Variants in NLGN1 observed in about 807,000 individuals in gnomAD.
The protein encoded by NLGN1 is neuroligin 1.
NLGN1 carries 12 observed loss-of-function variants against 65.5 expected under a neutral mutation model. The observed-to-expected ratio is 0.18, with a 90% CI of 0.12 to 0.30. The LOEUF (loss-of-function observed/expected upper bound fraction) is 0.30. Among genes scored for constraint, NLGN1 ranks in the 10% least tolerant of loss-of-function variants. NLGN1 has a pLI of 1.00. For missense variants in NLGN1, 750 were observed against 1,007.1 expected, an observed-to-expected ratio of 0.74 and a Z score of 3.46; for synonymous variants, 350 against 359.5, an observed-to-expected ratio of 0.97 and a Z score of 0.30.
chr3:173,892,315 C>T (rs1735500172), intron 4 of NLGN1, among the ~76,000 whole-genome samples: 1 of 151,682 alleles, frequency 6.6e-6, no homozygotes, highest in South Asian at 2.1e-4. Flanking sequence ...TCTCTGTTCT[C>T]TGTTTTTATT....
chr3:174,235,030 C>A (rs1305987444), intron 4 of NLGN1, among the ~76,000 whole-genome samples: 1 of 88,374 alleles, frequency 1.1e-5, no homozygotes, highest in African/African-American at 5.0e-5. Context: ...ATAAGAGTAC[C>A]ACCATTCTAG....
At chr3:173,478,011 T>C (rs936235892) in intron 2 of NLGN1, among the ~76,000 whole-genome samples, 1 of 152,132 alleles carries the variant, frequency 6.6e-6, no homozygotes, top group African/African-American at 2.4e-5. Flanking sequence ...CTCAAAGATA[T>C]AGAACCAGAA....
intron 4 of NLGN1, among the ~76,000 whole-genome samples, chr3:174,066,682 C>T (rs965891065): frequency 4.0e-5 from 6 of 151,596 alleles, no homozygotes; most frequent in African/African-American, 1.5e-4. Flanking sequence ...ATTACATGAT[C>T]TAAAGGTAAA....
intron 2 of NLGN1, among the ~76,000 whole-genome samples, chr3:173,597,087 A>G (rs919534851): frequency 2.0e-5 from 3 of 151,956 alleles, no homozygotes. Flanking sequence ...CAGCCTTTTT[A>G]TTTTCCTTCT....
chr3:173,621,821 T>C (rs888651551), intron 3 of NLGN1, among the ~76,000 whole-genome samples: 2 of 152,076 alleles, frequency 1.3e-5, no homozygotes, highest in Non-Finnish European at 2.9e-5. Flanking sequence ...ATAAATCCTA[T>C]TTCCAAATCT....
At chr3:174,022,264 C>T (rs1331044495) in intron 4 of NLGN1, among the ~76,000 whole-genome samples, 1 of 152,112 alleles carries the variant, frequency 6.6e-6, no homozygotes, top group South Asian at 2.1e-4. Flanking sequence ...GTTTGCCTTA[C>T]AGAGTTTGCT....
At chr3:174,126,857 G>A (rs1175007269) in intron 4 of NLGN1, among the ~76,000 whole-genome samples, 4 of 152,092 alleles carry the variant, frequency 2.6e-5, no homozygotes, top group African/African-American at 9.7e-5. Context: ...TGTTGTTAAT[G>A]AAGAGGAGAT....
chr3:173,880,967 C>T (rs542635916), intron 4 of NLGN1, among the ~76,000 whole-genome samples: 2 of 152,222 alleles, frequency 1.3e-5, no homozygotes, highest in Non-Finnish European at 2.9e-5. Context: ...AGCATCTATA[C>T]CGGGAGTGGA....
intron 2 of NLGN1, among the ~76,000 whole-genome samples, chr3:173,567,767 C>G (rs972282185): frequency 6.6e-6 from 1 of 151,652 alleles, no homozygotes; most frequent in Non-Finnish European, 1.5e-5. Context: ...TGGGATTATT[C>G]TTTTGGATTG....
At chr3:174,184,109 C>T (rs1414794779) in intron 4 of NLGN1, among the ~76,000 whole-genome samples, 1 of 151,972 alleles carries the variant, frequency 6.6e-6, no homozygotes, top group East Asian at 1.9e-4. Context: ...TTCTTTAGAA[C>T]ATTGCTCAAT....
Position 173,869,426 on chromosome 3 carries a change from G to A in NLGN1, c.646+61594G>A, listed in dbSNP as rs544755345. Among the ~76,000 whole-genome samples the A allele has an allele frequency of 2.6e-4, 40 of 152,202 alleles. No individual in the cohort carries two copies. The South Asian group carries it at 7.9e-3, about 30-fold the overall frequency. On this transcript the variant is annotated intron_variant, in intron 4 of 6. Transcript: ENST00000457714. The stretch of plus-strand genomic sequence containing the variant: ...ATAGTATTTTGGATTGTATATGCAT[G>A]CAAACTAATGGCCAATGGCAAAGGT...
At chr3:173,511,482 G>A (rs540790815) in intron 2 of NLGN1, among the ~76,000 whole-genome samples, 60 of 152,170 alleles carry the variant, frequency 3.9e-4, no homozygotes, top group African/African-American at 1.4e-3. Context: ...TATCCTGTTG[G>A]GTGTTCCCTG....
In NLGN1 at chr3:173,921,720, G is replaced by A. The variant is rs112130376; in HGVS notation, c.646+113888G>A. ...AAATGAGCTGAACCCTCCTAGCAAC[G>A]AGTATGTATTCTCATCAGGATGTTC... On this transcript the variant is annotated intron_variant, in intron 4 of 6. Transcript: ENST00000457714. Among the ~76,000 whole-genome samples, 850 of 152,156 alleles carry A rather than the reference G, an allele frequency of 5.6e-3. 10 individuals are homozygous for A. The highest frequency in any genetic ancestry group is 0.02 in the African/African-American group (813 of 41,518).
chr3:173,685,023 C>T (rs60158728), intron 3 of NLGN1, among the ~76,000 whole-genome samples: 27,494 of 152,006 alleles, frequency 0.18, 2,681 homozygotes, highest in African/African-American at 0.24. Flanking sequence ...GTTGAATCCT[C>T]TATGCCCGGT....
At chr3:173,400,097 A>G (rs1444885240) in intron 1 of NLGN1, among the ~76,000 whole-genome samples, 1 of 152,232 alleles carries the variant, frequency 6.6e-6, no homozygotes, top group Non-Finnish European at 1.5e-5. Flanking sequence ...GCTGTGTAAC[A>G]TATACCTTTG....
intron 4 of NLGN1, among the ~76,000 whole-genome samples, chr3:173,961,732 A>T (rs1713616810): frequency 6.6e-6 from 1 of 152,118 alleles, no homozygotes; most frequent in Admixed American, 6.5e-5. Flanking sequence ...TGAATGTCAG[A>T]TATGAGGATT....
intron 4 of NLGN1, among the ~76,000 whole-genome samples, chr3:174,271,105 T>C (rs1169576529): frequency 6.6e-6 from 1 of 151,816 alleles, no homozygotes; most frequent in East Asian, 1.9e-4. Context: ...TTTTCTACCT[T>C]ATAGCTTGAG....
intron 4 of NLGN1, among the ~76,000 whole-genome samples, chr3:174,067,250 G>C (rs764109403): frequency 1.3e-5 from 2 of 152,110 alleles, no homozygotes; most frequent in African/African-American, 2.4e-5. Flanking sequence ...TACCTCCAAA[G>C]CTCCATTAAA....
chr3:173,631,998 G>C (rs1755756294), intron 3 of NLGN1, among the ~76,000 whole-genome samples: 1 of 151,808 alleles, frequency 6.6e-6, no homozygotes, highest in Non-Finnish European at 1.5e-5. Context: ...ATAAACCCTT[G>C]GAAAATTGTA....
Sources: allele counts gnomAD v4.1 joint callset (sites outside exome capture counted in the v4.1 genomes callset), GRCh38; gene constraint gnomAD v4.1.1; transcripts MANE v1.5; gene names NCBI Gene and HGNC (gene_info 2026-07-23, HGNC 2026-07-21).